Variants in CACNA1D observed in about 807,000 individuals in gnomAD.
The protein encoded by CACNA1D is voltage-dependent L-type calcium channel subunit alpha-1D.
In CACNA1D, 55 loss-of-function variants were observed where a neutral mutation model predicts 257.1. The ratio of observed to expected loss-of-function variants is 0.21; its 90% CI spans 0.17 to 0.27. The LOEUF (loss-of-function observed/expected upper bound fraction) is 0.27, where lower values mean the gene tolerates loss of function less well. Among genes scored for constraint, CACNA1D ranks in the 10% least tolerant of loss-of-function variants. The pLI is 1.00. For missense variants in CACNA1D, 1,876 were observed against 2,784.0 expected, an observed-to-expected ratio of 0.67 and a Z score of 7.34; for synonymous variants, 980 against 1,014.9, an observed-to-expected ratio of 0.97 and a Z score of 0.65.
intron 2 of CACNA1D, among the ~76,000 whole-genome samples, chr3:53,497,771 G>A (rs1375166005): frequency 6.6e-6 from 1 of 152,158 alleles, no homozygotes; most frequent in Non-Finnish European, 1.5e-5. Context: ...TTGGACATTA[G>A]ATGGTTAGTT....
chr3:53,501,811 A>C, intron 3 of CACNA1D, 91 bp downstream of exon 3: 1 of 768,826 alleles, frequency 1.3e-6, no homozygotes, highest in Non-Finnish European at 2.3e-6. Context: ...GGGTGGTTGA[A>C]GTTTATAGCT....
chr3:53,678,625 T>C (rs914363039), intron 8 of CACNA1D, among the ~76,000 whole-genome samples: 3 of 152,226 alleles, frequency 2.0e-5, no homozygotes, highest in African/African-American at 4.8e-5. Context: ...TTCTGGCTAA[T>C]TGGATACCAG....
chr3:53,719,040 G>A (rs1320723111), intron 10 of CACNA1D, among the ~76,000 whole-genome samples: 1 of 152,038 alleles, frequency 6.6e-6, no homozygotes, highest in South Asian at 2.1e-4. Context: ...GGGCTGGGGG[G>A]GACCAGCAGT....
chr3:53,563,313 C>T (rs2092773282), intron 3 of CACNA1D, among the ~76,000 whole-genome samples: 1 of 152,140 alleles, frequency 6.6e-6, no homozygotes, highest in Non-Finnish European at 1.5e-5. Context: ...CACCTGAGGT[C>T]AGGAGTTCAA....
intron 10 of CACNA1D, 169 bp downstream of exon 10, chr3:53,718,557 C>T (rs1386202531): frequency 9.7e-7 from 1 of 1,031,900 alleles, no homozygotes; most frequent in Non-Finnish European, 1.5e-6. Flanking sequence ...CAGGGCTATC[C>T]CTCCTGCACA....
chr3:53,531,426 T>C lies in CACNA1D; in HGVS notation c.483+29706T>C, dbSNP rs574587968. 7.9e-5 allele frequency among the ~76,000 whole-genome samples: 12 copies of C among 152,280 alleles called. No individual in the cohort carries two copies. The South Asian group carries it at 1.0e-3, about 13-fold the overall frequency. On this transcript the variant is annotated intron_variant, in intron 3 of 47. Transcript: ENST00000350061. ...CACATAGGTTTTGGATATTTGGAGA[T>C]AGGAGGAAAAACATGTCTTTAAACC...
chr3:53,530,939 C>T (rs917705267), intron 3 of CACNA1D, among the ~76,000 whole-genome samples: 3 of 151,944 alleles, frequency 2.0e-5, no homozygotes, highest in African/African-American at 7.3e-5. Flanking sequence ...GCCTTGACTC[C>T]TGGGCTCAAG....
intron 37 of CACNA1D, 34 bp downstream of exon 37, chr3:53,776,990 C>T: frequency 5.4e-6 from 8 of 1,478,784 alleles, no homozygotes; most frequent in Non-Finnish European, 7.6e-6. Flanking sequence ...GACAGCCTGT[C>T]TTGTAGAAGC....
chr3:53,701,381 C>G (rs2094624009), intron 8 of CACNA1D, among the ~76,000 whole-genome samples: 1 of 152,188 alleles, frequency 6.6e-6, no homozygotes, highest in African/African-American at 2.4e-5. Flanking sequence ...ATCCACCCAC[C>G]TTGGCTTCCC....
chr3:53,505,412 A>G (rs994122836), intron 3 of CACNA1D, among the ~76,000 whole-genome samples: 3 of 152,162 alleles, frequency 2.0e-5, no homozygotes, highest in African/African-American at 7.2e-5. Context: ...CCTGGCCTAT[A>G]TGCACATCTT....
At chr3:53,531,551 G>A (rs2091949808) in intron 3 of CACNA1D, among the ~76,000 whole-genome samples, 1 of 152,178 alleles carries the variant, frequency 6.6e-6, no homozygotes, top group South Asian at 2.1e-4. Flanking sequence ...TAAATGATTT[G>A]GTGGGGGCTT....
chr3:53,719,885 T>A (rs2094863495), intron 11 of CACNA1D, 104 bp downstream of exon 11: 5 of 1,060,818 alleles, frequency 4.7e-6, no homozygotes, highest in Non-Finnish European at 7.4e-6. Context: ...TTTTCCTCTG[T>A]GGATTATAAC....
rs983332027 is a variant in CACNA1D, at chr3:53,673,574, A to T, written c.1220+448A>T. 1.5e-6 allele frequency: 1 copy of T among 680,324 alleles called. No individual in the cohort carries two copies. The highest frequency in any genetic ancestry group is 2.6e-6 in the Non-Finnish European group (1 of 380,482). The allele number at this position is 680,324 out of a possible 1,614,324, so 42.1% of individuals were successfully genotyped here. ...GTCCTTATTTGCAGAAAAAAAAAAA[A>T]AAAGGGAAGGACCTAGGCCCAGTCC... On this transcript the variant is annotated intron_variant, in intron 8 of 47. Transcript: ENST00000350061. The surrounding 1 kb of genome is among the most constrained non-coding windows in gnomAD (Gnocchi z 4.1).
intron 8 of CACNA1D, among the ~76,000 whole-genome samples, chr3:53,691,823 T>TATCTATAATATATATTACATA (rs1446460408): frequency 9.6e-6 from 1 of 103,806 alleles, no homozygotes; most frequent in Non-Finnish European, 1.8e-5. Context: ...TTATATATTA[T>TATCTATAATATATATTACATA]ATCTATAATA....
chr3:53,801,920 A>G (rs1159869347), intron 42 of CACNA1D, among the ~76,000 whole-genome samples: 3 of 152,144 alleles, frequency 2.0e-5, no homozygotes, highest in African/African-American at 4.8e-5. Context: ...ATGATGAGAT[A>G]TTTTTTGTCT....
chr3:53,749,103 C>T, intron 26 of CACNA1D, 165 bp from the exon 27 acceptor site: 1 of 704,980 alleles, frequency 1.4e-6, no homozygotes, highest in African/African-American at 1.7e-5. Context: ...CTGTTTGGGC[C>T]TGAGGCTGAT....
chr3:53,728,417 G>GT, intron 15 of CACNA1D, among the ~76,000 whole-genome samples: 1 of 152,280 alleles, frequency 6.6e-6, no homozygotes, highest in Middle Eastern at 3.4e-3. Flanking sequence ...GGGATTACAG[G>GT]TGTGAGCCAC....
chr3:53,593,807 T>C (rs1490796359), intron 3 of CACNA1D, among the ~76,000 whole-genome samples: 1 of 152,202 alleles, frequency 6.6e-6, no homozygotes, highest in African/African-American at 2.4e-5. Flanking sequence ...AAGGAAGTGC[T>C]TTATCTGCCT....
chr3:53,731,978 C>A, intron 17 of CACNA1D, 38 bp from the exon 18 acceptor site: 1 of 1,340,512 alleles, frequency 7.5e-7, no homozygotes, highest in Non-Finnish European at 1.1e-6. Flanking sequence ...GATTTTAAGT[C>A]AGTCTCCCCT....
Sources: gnomAD v4.1 joint callset for allele counts (sites outside exome capture counted in the v4.1 genomes callset) on GRCh38, gnomAD v4.1.1 for gene constraint, Gnocchi (gnomAD v3.1) non-coding constraint, MANE v1.5 for transcripts, NCBI Gene and HGNC (gene_info 2026-07-23, HGNC 2026-07-21) for gene names.